SYNE2: variants seen among roughly 807,000 people sequenced by gnomAD.
SYNE2 encodes the protein nesprin-2.
SYNE2 carries 431 observed loss-of-function variants against 856.3 expected under a neutral mutation model. The ratio of observed to expected loss-of-function variants is 0.50; its 90% CI spans 0.47 to 0.55. The LOEUF (loss-of-function observed/expected upper bound fraction) is 0.55, where lower values mean the gene tolerates loss of function less well. SYNE2 is among the 20% of genes least tolerant of loss of function. SYNE2 has a pLI of 0.00. For missense variants in SYNE2, 8,129 were observed against 8,023.2 expected, an observed-to-expected ratio of 1.01 and a Z score of -0.50; for synonymous variants, 2,923 against 2,872.3, an observed-to-expected ratio of 1.02 and a Z score of -0.56.
Position 63,941,759 on chromosome 14 carries a change from A to C in SYNE2, c.206A>C (p.Asp69Ala), listed in dbSNP as rs762090352. 1 of 1,614,016 alleles carries C rather than the reference A, an allele frequency of 6.2e-7. No homozygotes were observed. The highest frequency in any genetic ancestry group is 8.5e-7 in the Non-Finnish European group (1 of 1,180,008). ...TDIKKGHVLL[D>A]LLEVLSGQQL... ...ATTAAAAAGGGGCATGTCCTCCTGG[A>C]TCTGCTAGAAGTACTTTCTGGGCAA... is the stretch of plus-strand genomic sequence containing the variant. Residue 69 changes from aspartate to alanine, a missense_variant, in exon 4 of 116, where the codon GAT becomes GCT. Around this residue, in one of 3 missense-constraint regions of SYNE2, gnomAD observed 2,422 missense variants for 2,357.4 expected, o/e 1.03. Transcript: ENST00000555002.
At chr14:63,865,532 C>T (rs574603828) in intron 1 of SYNE2, among the ~76,000 whole-genome samples, 1 of 151,876 alleles carries the variant, frequency 6.6e-6, no homozygotes, top group Non-Finnish European at 1.5e-5. Context: ...GGAGGCTACT[C>T]CCAAGTGGAG....
Position 64,212,960 on chromosome 14 carries a change from T to G in SYNE2, c.19011T>G (p.Phe6337Leu), listed in dbSNP as rs761432348. ...EELHRYCQEV[F>L]GRVSRFHRRL... The stretch of plus-strand genomic sequence containing the variant: ...TCCACCGCTACTGCCAGGAGGTGTT[T>G]GGAAGGGTCTCCCGGTTCCACCGGC... Residue 6337 changes from phenylalanine (F) to leucine (L), a missense_variant, in exon 105 of 116, where the codon TTT (phenylalanine) becomes TTG (leucine). Phe to Leu is a conservative substitution (Grantham distance 22). Transcript: ENST00000555002. The G allele has an allele frequency of 2.4e-5, 38 of 1,614,036 alleles. No homozygotes were observed. The highest frequency in any genetic ancestry group is 3.0e-5 in the Non-Finnish European group (35 of 1,180,020).
chr14:64,046,590 A>G (rs1215577752), intron 45 of SYNE2, among the ~76,000 whole-genome samples: 1 of 152,180 alleles, frequency 6.6e-6, no homozygotes, highest in Non-Finnish European at 1.5e-5. Flanking sequence ...TTCTGGGATC[A>G]AGCAATCCAC....
At chr14:64,141,295 G>A in intron 80 of SYNE2, 46 bp from the exon 81 acceptor site, 1 of 1,511,106 alleles carries the variant, frequency 6.6e-7, no homozygotes, top group Non-Finnish European at 9.1e-7. Context: ...CTTACTTTCT[G>A]CTATATTTAA....
At chr14:63,966,079 A>G (rs1261061103) in intron 10 of SYNE2, among the ~76,000 whole-genome samples, 6 of 152,196 alleles carry the variant, frequency 3.9e-5, no homozygotes, top group African/African-American at 9.7e-5. Context: ...TTTAAGTGAC[A>G]TTTAAAACAT....
chr14:64,158,773 G>C lies in SYNE2; in HGVS notation c.15941G>C (p.Arg5314Thr). 1 of 1,613,928 alleles carries C rather than the reference G, an allele frequency of 6.2e-7. No homozygotes were observed. Among genetic ancestry groups the C allele is most frequent in the Non-Finnish European group, 8.5e-7 (1 of 1,179,862 alleles). ...GTGGTGTTATCATTGGAGACCTTGA[G>C]ATGCCAGGTGGAGAACCTTCAGGTA... is the stretch of plus-strand genomic sequence containing the variant. ...KPVVLSLETL[R>T]CQVENLQSLQ... The change falls in exon 86 of 116, where the codon AGA (arginine) becomes ACA (threonine). Residue 5314 changes from arginine to threonine, a missense_variant. Coordinates refer to ENST00000555002, the MANE Select transcript of SYNE2 (RefSeq NM_182914.3).
At chr14:64,158,328 C>A (rs370650734) in intron 85 of SYNE2, among the ~76,000 whole-genome samples, 2 of 152,192 alleles carry the variant, frequency 1.3e-5, no homozygotes, top group Non-Finnish European at 2.9e-5. Context: ...CTGAACCTTG[C>A]ACTCACAAAT....
At chr14:64,078,240 T>G (rs902244206) in intron 54 of SYNE2, among the ~76,000 whole-genome samples, 10 of 152,128 alleles carry the variant, frequency 6.6e-5, no homozygotes, top group African/African-American at 2.4e-4. Flanking sequence ...AAAAAACCAA[T>G]TTTTATTTTA....
intron 1 of SYNE2, among the ~76,000 whole-genome samples, chr14:63,818,045 A>AAAAG (rs1486946770): frequency 1.3e-5 from 2 of 150,336 alleles, no homozygotes; most frequent in Admixed American, 1.3e-4. Context: ...AAAAAAAAAA[A>AAAAG]ACAAATAAAT....
At chr14:63,825,827 C>G (rs912150187) in intron 1 of SYNE2, among the ~76,000 whole-genome samples, 3 of 152,068 alleles carry the variant, frequency 2.0e-5, no homozygotes, top group African/African-American at 7.2e-5. Context: ...GAGCCAAGAT[C>G]ACTCCACTGC....
At chr14:64,111,719 AC>A (rs1267204814) in intron 65 of SYNE2, among the ~76,000 whole-genome samples, 1 of 152,032 alleles carries the variant, frequency 6.6e-6, no homozygotes, top group Non-Finnish European at 1.5e-5. Flanking sequence ...AATCACTTGA[AC>A]CTGGGAGGCG....
chr14:64,165,261 T>C (rs1238937924), intron 89 of SYNE2, 24 bp from the exon 90 acceptor site: 9 of 1,611,008 alleles, frequency 5.6e-6, no homozygotes, highest in Non-Finnish European at 6.8e-6. Context: ...AAATAGTTTC[T>C]AATGAAAATT....
chr14:64,074,972 T>G (rs1229178880), intron 53 of SYNE2, among the ~76,000 whole-genome samples: 1 of 152,158 alleles, frequency 6.6e-6, no homozygotes, highest in Non-Finnish European at 1.5e-5. Context: ...GCCTTCTAAG[T>G]GTACCTCTGA....
At chr14:64,201,673 G>A (rs1288520414) in intron 99 of SYNE2, among the ~76,000 whole-genome samples, 2 of 152,196 alleles carry the variant, frequency 1.3e-5, no homozygotes, top group Non-Finnish European at 2.9e-5. Context: ...GAAGTCTAGG[G>A]GGCTGAGAGG....
chr14:63,986,090 GGTGTAA>G (rs2096623647), intron 18 of SYNE2, among the ~76,000 whole-genome samples: 1 of 152,108 alleles, frequency 6.6e-6, no homozygotes, highest in Admixed American at 6.5e-5. Context: ...GAAAGAAAGT[GGTGTAA>G]CTTTTTTATC....
Position 64,120,852 on chromosome 14 carries a change from C to T in SYNE2, c.13024-75C>T, listed in dbSNP as rs117356604. The T allele has an allele frequency of 4.7e-4, 700 of 1,494,080 alleles. 1 individual carries two copies. Among genetic ancestry groups the T allele is most frequent in the Middle Eastern group, 3.8e-3 (21 of 5,466 alleles). 92.6% of individuals were successfully genotyped at this position (1,494,080 alleles called of 1,614,324 possible). A position where few individuals can be genotyped will look rare whatever the true frequency, so the allele number is the denominator to read the frequency against. ...TTCATGTAAAATTTTTCTATGTAGT[C>T]CCATTATTAGAATTGAGATAAAGTG... On this transcript the variant is annotated intron_variant, in intron 67 of 115. Coordinates refer to ENST00000555002, the MANE Select transcript of SYNE2 (RefSeq NM_182914.3).
At chr14:64,098,211 C>T (rs2097693130) in intron 62 of SYNE2, 65 bp downstream of exon 62, 1 of 1,553,018 alleles carries the variant, frequency 6.4e-7, no homozygotes, top group Admixed American at 1.7e-5. Flanking sequence ...GTAGTGTTTT[C>T]CACCTGAACG....
At chr14:63,817,808 G>C (rs933317336) in intron 1 of SYNE2, among the ~76,000 whole-genome samples, 1 of 151,982 alleles carries the variant, frequency 6.6e-6, no homozygotes, top group Non-Finnish European at 1.5e-5. Context: ...AGGATTGCTT[G>C]AGCCCAGGAG....
rs115295290 is a variant in SYNE2, at chr14:64,091,347, C to T, written c.11976+299C>T. 8.6e-3 allele frequency among the ~76,000 whole-genome samples: 1,303 copies of T among 152,286 alleles called. 20 individuals are homozygous for T. Among genetic ancestry groups the T allele is most frequent in the African/African-American group, 0.03 (1,245 of 41,566 alleles). On this transcript the variant is annotated intron_variant, in intron 60 of 115. Coordinates refer to ENST00000555002, the MANE Select transcript of SYNE2 (RefSeq NM_182914.3). Reference sequence around the variant, plus strand: ...AACAAGGCATTTGCAGCCTCTGAGGCCAACAGATCTGTAAAGTAATCATCA... The same window carrying T: ...AACAAGGCATTTGCAGCCTCTGAGGTCAACAGATCTGTAAAGTAATCATCA...
Sources: gnomAD v4.1 joint callset for allele counts (sites outside exome capture counted in the v4.1 genomes callset) on GRCh38, gnomAD v4.1.1 for gene constraint, gnomAD v4.1.1 regional missense constraint, MANE v1.5 for transcripts, NCBI Gene and HGNC (gene_info 2026-07-23, HGNC 2026-07-21) for gene names.